CSMD2: variants seen among roughly 807,000 people sequenced by gnomAD.
CSMD2 encodes CUB and sushi domain-containing protein 2.
CSMD2 carries 130 observed loss-of-function variants against 398.5 expected under a neutral mutation model. The observed-to-expected ratio is 0.33, with a 90% CI of 0.28 to 0.38. CSMD2 has a LOEUF of 0.38. CSMD2 is among the 10% of genes least tolerant of loss of function. The pLI is 1.00. For synonymous variants in CSMD2, 1,828 were observed against 1,908.5 expected (o/e 0.96, Z 1.10); for missense variants, 3,829 against 4,764.9 (o/e 0.80, Z 5.78).
rs529171155 is a variant in CSMD2, at chr1:33,802,195, G to C, written c.1446+8548C>G. Among the ~76,000 whole-genome samples, 21 of 152,310 alleles carry C rather than the reference G, an allele frequency of 1.4e-4. No individual in the cohort carries two copies. In the South Asian group the frequency reaches 3.9e-3, roughly 29 times the overall value. Reference sequence around the variant, plus strand: ...TGCCCGAGGACATCCCAGTCGAAGGGAGGGCATGGAGGCTGCATGTGGAGT... The same window carrying C: ...TGCCCGAGGACATCCCAGTCGAAGGCAGGGCATGGAGGCTGCATGTGGAGT... On this transcript the variant is annotated intron_variant, in intron 10 of 70. Transcript: ENST00000373381.
chr1:34,158,662 C>A (rs1450130138), intron 1 of CSMD2, among the ~76,000 whole-genome samples: 1 of 152,132 alleles, frequency 6.6e-6, no homozygotes, highest in Non-Finnish European at 1.5e-5. Flanking sequence ...AGCAAGTAGA[C>A]CGTAGTTGTA....
intron 5 of CSMD2, chr1:33,863,617 A>T (rs989100441): frequency 2.6e-5 from 4 of 152,736 alleles, no homozygotes; most frequent in African/African-American, 7.2e-5. Flanking sequence ...TTTGTATGGC[A>T]TGAGCTGCCA....
At chr1:33,769,602 G>A (rs1033805071) in intron 13 of CSMD2, among the ~76,000 whole-genome samples, 1 of 152,164 alleles carries the variant, frequency 6.6e-6, no homozygotes, top group African/African-American at 2.4e-5. Flanking sequence ...AAATGATTCT[G>A]AAGTCTCTGC....
intron 25 of CSMD2, among the ~76,000 whole-genome samples, chr1:33,682,926 G>A (rs560580418): frequency 1.6e-4 from 25 of 152,218 alleles, no homozygotes; most frequent in African/African-American, 5.3e-4. Flanking sequence ...GCACATTTTA[G>A]CCTTGGTCAA....
chr1:33,650,488 T>C (rs1196515577), intron 28 of CSMD2, among the ~76,000 whole-genome samples: 1 of 148,806 alleles, frequency 6.7e-6, no homozygotes, highest in Non-Finnish European at 1.5e-5. Flanking sequence ...CATGAAAGAA[T>C]CCGTGAGGCC....
At chr1:33,920,374 CA>C (rs35843397) in intron 4 of CSMD2, among the ~76,000 whole-genome samples, 33,763 of 110,028 alleles carry the variant, frequency 0.31, 4,415 homozygotes, top group African/African-American at 0.4. Context: ...ACTAAAAATA[CA>C]AAAAAAAAAA....
At chr1:33,833,210 T>C (rs1259896970) in intron 6 of CSMD2, among the ~76,000 whole-genome samples, 37 of 115,482 alleles carry the variant, frequency 3.2e-4, no homozygotes, top group Non-Finnish European at 5.9e-4. Flanking sequence ...AAAGAGAATT[T>C]TAGACCAATA....
rs1178496308 is a variant in CSMD2, at chr1:33,663,047, C to T, written c.4098G>A (p.Leu1366=). ...VFDTEEVHDV[L]RIWDGPVESG... is the part of the protein sequence containing the mutation. ...TCTCCACAGGCCCATCCCAGATGCG[C>T]AGCACGTCGTGAACCTCCTCTGTGT... Residue 1366 remains leucine, a synonymous_variant, in exon 26 of 71, where the codon CTG becomes CTA. Transcript: ENST00000373381. 1.2e-6 allele frequency: 2 copies of T among 1,614,048 alleles called. No homozygotes were observed. Among genetic ancestry groups the T allele is most frequent in the Non-Finnish European group, 1.7e-6 (2 of 1,180,020 alleles).
chr1:33,723,625 C>A (rs1007449200), intron 19 of CSMD2, among the ~76,000 whole-genome samples: 1 of 152,106 alleles, frequency 6.6e-6, no homozygotes, highest in Admixed American at 6.5e-5. Context: ...GGCTGGTGAC[C>A]CATATGAAAG....
intron 7 of CSMD2, among the ~76,000 whole-genome samples, chr1:33,823,228 C>T (rs866836801): frequency 1.2e-4 from 18 of 152,174 alleles, no homozygotes; most frequent in Admixed American, 7.9e-4. Flanking sequence ...ACAAACCCAA[C>T]GGTGACGCGG....
intron 5 of CSMD2, chr1:33,869,025 C>G (rs191305719): frequency 2.0e-5 from 3 of 152,236 alleles, no homozygotes; most frequent in African/African-American, 7.2e-5. Flanking sequence ...ATTAGAGGGA[C>G]AGAGGGAGGC....
chr1:33,836,442 C>G (rs973885496), intron 6 of CSMD2, among the ~76,000 whole-genome samples: 1 of 152,210 alleles, frequency 6.6e-6, no homozygotes, highest in Non-Finnish European at 1.5e-5. Context: ...TTTTGTTTGG[C>G]TATACCCTGT....
chr1:33,980,649 T>C (rs1049245345), intron 3 of CSMD2, among the ~76,000 whole-genome samples: 2 of 152,196 alleles, frequency 1.3e-5, no homozygotes, highest in African/African-American at 4.8e-5. Context: ...CCATCTCATA[T>C]TTATGAGCAC....
At chr1:33,532,905 A>T in intron 64 of CSMD2, 145 bp downstream of exon 64, 2 of 830,062 alleles carry the variant, frequency 2.4e-6, no homozygotes, top group African/African-American at 1.7e-5. Context: ...TTGCTCTTCT[A>T]GACTCAAAAC....
At position 33,542,867 on chromosome 1, in the gene CSMD2, T is replaced by C. The variant is rs758658420; in HGVS notation, c.9130A>G (p.Ser3044Gly). 2.5e-6 allele frequency: 4 copies of C among 1,614,196 alleles called. No homozygotes were observed. The South Asian group carries it at 3.3e-5, about 13-fold the overall frequency. Residue 3044 changes from serine (S) to glycine (G), a missense_variant, in exon 58 of 71, where the codon AGT becomes GGT. Around this residue, in one of 5 missense-constraint regions of CSMD2, gnomAD observed 917 missense variants for 1,199.5 expected, o/e 0.76. Coordinates refer to ENST00000373381, the MANE Select transcript of CSMD2 (RefSeq NM_001281956.2). The part of the protein sequence containing the change: ...VISCGNPGTP[S>G]NARVVFSDGL... Reference sequence around the variant, plus strand: ...TCACTGAACACAACTCGGGCATTACTTGGAGTCCCAGGGTTCCCACAAGAG... The same window carrying C: ...TCACTGAACACAACTCGGGCATTACCTGGAGTCCCAGGGTTCCCACAAGAG...
At chr1:34,132,259 A>T (rs1050424789) in intron 1 of CSMD2, among the ~76,000 whole-genome samples, 1 of 151,898 alleles carries the variant, frequency 6.6e-6, no homozygotes, top group African/African-American at 2.4e-5. Context: ...GCTGACCCTT[A>T]GTCAGCTTTC....
chr1:33,639,295 T>C (rs1642978410), intron 29 of CSMD2, among the ~76,000 whole-genome samples: 1 of 152,230 alleles, frequency 6.6e-6, no homozygotes, highest in Non-Finnish European at 1.5e-5. Flanking sequence ...CTGATAAATG[T>C]CTACCTTGTT....
intron 51 of CSMD2, among the ~76,000 whole-genome samples, chr1:33,570,867 C>CTAAGGCTTTCA (rs1659532563): frequency 6.6e-6 from 1 of 152,158 alleles, no homozygotes; most frequent in Non-Finnish European, 1.5e-5. Context: ...GGGGGGTGAG[C>CTAAGGCTTTCA]TAAGGCTTTC....
chr1:33,530,253 A>C (rs1417479262), intron 64 of CSMD2, among the ~76,000 whole-genome samples: 1 of 152,210 alleles, frequency 6.6e-6, no homozygotes, highest in Non-Finnish European at 1.5e-5. Context: ...ATAGCAAGAA[A>C]ATAGATAACC....
Sources: gnomAD v4.1 joint callset for allele counts (sites outside exome capture counted in the v4.1 genomes callset) on GRCh38, gnomAD v4.1.1 for gene constraint, gnomAD v4.1.1 regional missense constraint, MANE v1.5 for transcripts, NCBI Gene and HGNC (gene_info 2026-07-23, HGNC 2026-07-21) for gene names.